Variants in PEPD observed in about 807,000 individuals in gnomAD.
PEPD encodes the protein xaa-Pro dipeptidase.
Under a neutral mutation model 60.7 loss-of-function variants are expected in PEPD, and 53 were observed. The ratio of observed to expected loss-of-function variants is 0.87; its 90% CI spans 0.70 to 1.10. PEPD has a LOEUF of 1.10. Ranked by LOEUF, PEPD falls within the 50% of genes least tolerant of loss-of-function variation. PEPD has a pLI of 0.00. For synonymous variants in PEPD, 267 were observed against 284.1 expected (o/e 0.94, Z 0.60); for missense variants, 711 against 711.9 (o/e 1.00, Z 0.01).
At chr19:33,505,488 C>T (rs1486824169) in intron 3 of PEPD, among the ~76,000 whole-genome samples, 2 of 151,988 alleles carry the variant, frequency 1.3e-5, no homozygotes, top group East Asian at 1.9e-4. Context: ...TCAAACCACC[C>T]GGGCAGCAGC....
chr19:33,410,763 C>T (rs1298852950), intron 11 of PEPD, among the ~76,000 whole-genome samples: 3 of 152,190 alleles, frequency 2.0e-5, no homozygotes, highest in African/African-American at 7.2e-5. Context: ...AAGGCACATC[C>T]TCTGCTAGTC....
chr19:33,466,097 T>C (rs911566656), intron 7 of PEPD, among the ~76,000 whole-genome samples: 10 of 152,184 alleles, frequency 6.6e-5, no homozygotes, highest in African/African-American at 2.4e-4. Flanking sequence ...GAACTCCAAG[T>C]ATGTGGCTCT....
chr19:33,469,291 A>G (rs1970078055), intron 7 of PEPD, among the ~76,000 whole-genome samples: 1 of 152,100 alleles, frequency 6.6e-6, no homozygotes, highest in Non-Finnish European at 1.5e-5. Flanking sequence ...AGGAGCACTG[A>G]GCACTGCCAG....
At chr19:33,510,137 G>C (rs1970892908) in intron 3 of PEPD, among the ~76,000 whole-genome samples, 1 of 152,220 alleles carries the variant, frequency 6.6e-6, no homozygotes, top group Non-Finnish European at 1.5e-5. Flanking sequence ...CACAGACGGA[G>C]AAGCTAGAAT....
chr19:33,398,098 AC>A (rs1179365131), intron 12 of PEPD, among the ~76,000 whole-genome samples: 1 of 151,562 alleles, frequency 6.6e-6, no homozygotes, highest in Non-Finnish European at 1.5e-5. Context: ...CCCACCGAAC[AC>A]CCCCCAGGCC....
Position 33,462,990 on chromosome 19 carries a change from CTTA to C in PEPD, c.671+2_671+4del, listed in dbSNP as rs1969956119. 2 of 1,581,546 alleles carry C rather than the reference CTTA, an allele frequency of 1.3e-6. No individual in the cohort carries two copies. The highest frequency in any genetic ancestry group is 8.7e-7 in the Non-Finnish European group (1 of 1,150,400). ...AATTTTACCCGGAGAAACATGGTGG[CTTA>C]CCTTTCCAACTCATATTCTTTCATT... On this transcript the variant is annotated splice_donor_variant and splice_donor_region_variant and intron_variant, in intron 9 of 14. Coordinates refer to ENST00000244137, the MANE Select transcript of PEPD (RefSeq NM_000285.4). LOFTEE classifies it high-confidence loss of function.
chr19:33,517,396 TA>T, intron 1 of PEPD, among the ~76,000 whole-genome samples: 1 of 151,638 alleles, frequency 6.6e-6, no homozygotes, highest in East Asian at 2.0e-4. Flanking sequence ...CTGTGTCTAC[TA>T]AAAATACAAA....
intron 9 of PEPD, among the ~76,000 whole-genome samples, chr19:33,415,728 C>T (rs1968875294): frequency 1.3e-5 from 2 of 152,200 alleles, no homozygotes; most frequent in Non-Finnish European, 2.9e-5. Flanking sequence ...ACCCAGTTTT[C>T]ACCTGCAAAG....
At chr19:33,484,683 GAC>G (rs1335850882) in intron 6 of PEPD, among the ~76,000 whole-genome samples, 1 of 151,822 alleles carries the variant, frequency 6.6e-6, no homozygotes, top group African/African-American at 2.4e-5. Context: ...AAATACTTAA[GAC>G]ACACAAAAAG....
chr19:33,454,770 C>G (rs967594390), intron 9 of PEPD, among the ~76,000 whole-genome samples: 2 of 152,118 alleles, frequency 1.3e-5, no homozygotes, highest in Non-Finnish European at 2.9e-5. Context: ...TCCAAGAGTA[C>G]AGAAGAGTGG....
chr19:33,430,466 G>C (rs1969245476), intron 9 of PEPD, among the ~76,000 whole-genome samples: 1 of 152,096 alleles, frequency 6.6e-6, no homozygotes, highest in South Asian at 2.1e-4. Flanking sequence ...GACTTCTGCT[G>C]CAAAAACTCT....
intron 6 of PEPD, among the ~76,000 whole-genome samples, chr19:33,483,383 A>G (rs186615744): frequency 6.6e-6 from 1 of 152,222 alleles, no homozygotes; most frequent in Non-Finnish European, 1.5e-5. Context: ...CAAAAGGATC[A>G]GGTCAGAGCA....
chr19:33,421,355 G>C (rs1349973910), intron 9 of PEPD, among the ~76,000 whole-genome samples: 1 of 152,180 alleles, frequency 6.6e-6, no homozygotes, highest in East Asian at 1.9e-4. Context: ...GCCCAAACTG[G>C]GCTGAAACAA....
intron 9 of PEPD, among the ~76,000 whole-genome samples, chr19:33,445,973 C>T (rs1969586955): frequency 2.0e-5 from 3 of 152,342 alleles, no homozygotes; most frequent in African/African-American, 7.2e-5. Flanking sequence ...AGCCTGCCTG[C>T]CCCTGCCCCC....
chr19:33,517,729 G>T (rs185774877), intron 1 of PEPD, among the ~76,000 whole-genome samples: 2 of 151,936 alleles, frequency 1.3e-5, no homozygotes, highest in African/African-American at 4.8e-5. Context: ...CACTTGGGGA[G>T]GCTGAAGTGG....
At chr19:33,395,250 CG>C (rs550831136) in intron 12 of PEPD, 1 of 152,506 alleles carries the variant, frequency 6.6e-6, no homozygotes, top group East Asian at 1.9e-4. Context: ...TGAGAATTCA[CG>C]GAACACACAG....
intron 11 of PEPD, 106 bp from the exon 12 acceptor site, chr19:33,401,975 T>G: frequency 9.9e-7 from 1 of 1,007,454 alleles, no homozygotes; most frequent in Admixed American, 2.0e-5. Context: ...GCCCGGGTCC[T>G]GGATGCAACT....
At chr19:33,479,149 G>T (rs1030164732) in intron 6 of PEPD, among the ~76,000 whole-genome samples, 1 of 151,898 alleles carries the variant, frequency 6.6e-6, no homozygotes, top group African/African-American at 2.4e-5. Context: ...AGATTTTCAA[G>T]TTTAAGTAGT....
chr19:33,488,820 C>T (rs1030172734), intron 6 of PEPD, among the ~76,000 whole-genome samples: 3 of 152,126 alleles, frequency 2.0e-5, no homozygotes, highest in Non-Finnish European at 2.9e-5. Context: ...AATTATAAGG[C>T]GGTTCCTCCA....
Sources: allele counts gnomAD v4.1 joint callset (sites outside exome capture counted in the v4.1 genomes callset), GRCh38; gene constraint gnomAD v4.1.1; transcripts MANE v1.5; gene names NCBI Gene and HGNC (gene_info 2026-07-23, HGNC 2026-07-21).